RNF216: variants seen among roughly 807,000 people sequenced by gnomAD.
RNF216 encodes ring finger protein 216.
In RNF216, 72 loss-of-function variants were observed where a neutral mutation model predicts 110.8. The observed-to-expected ratio is 0.65, with a 90% CI of 0.54 to 0.79. RNF216 has a LOEUF of 0.79. RNF216 is among the 30% of genes least tolerant of loss of function. The pLI, the probability that RNF216 is intolerant of heterozygous loss-of-function variation, is 0.00. For synonymous variants in RNF216, 495 were observed against 407.5 expected, an observed-to-expected ratio of 1.21 and a Z score of -2.59; for missense variants, 1,342 against 1,141.2, an observed-to-expected ratio of 1.18 and a Z score of -2.54.
intron 1 of RNF216, among the ~76,000 whole-genome samples, chr7:5,762,988 C>T (rs1796012474): frequency 6.6e-6 from 1 of 152,170 alleles, no homozygotes; most frequent in African/African-American, 2.4e-5. Flanking sequence ...CATTACATCT[C>T]CATGGACCAG....
chr7:5,634,929 C>T (rs779384547), intron 15 of RNF216, among the ~76,000 whole-genome samples: 2 of 152,192 alleles, frequency 1.3e-5, no homozygotes, highest in Non-Finnish European at 2.9e-5. Context: ...CAGCTTCATT[C>T]ATCCATGGGG....
chr7:5,646,522 T>C (rs1406196853), intron 14 of RNF216, among the ~76,000 whole-genome samples: 3 of 151,804 alleles, frequency 2.0e-5, no homozygotes, highest in African/African-American at 4.8e-5. Flanking sequence ...TGAAACCCCA[T>C]CTATGCTAAA....
chr7:5,712,510 A>G lies in RNF216; in HGVS notation c.1982+205T>C, dbSNP rs1392659226. Among the ~76,000 whole-genome samples the G allele has an allele frequency of 5.3e-5, 8 of 152,124 alleles. No homozygotes were observed. The South Asian group carries it at 1.7e-3, about 31-fold the overall frequency. ...AGAAGTTTGAGGGGCAGATTTTTCC[A>G]TTAATAGAATTACTGGTTACTCAAT... On this transcript the variant is annotated intron_variant, in intron 12 of 16. Coordinates refer to ENST00000389902, the MANE Select transcript of RNF216 (RefSeq NM_207111.4).
intron 3 of RNF216, among the ~76,000 whole-genome samples, chr7:5,743,347 A>G (rs1008105994): frequency 1.3e-5 from 2 of 152,186 alleles, no homozygotes; most frequent in African/African-American, 4.8e-5. Context: ...TATAAACTCT[A>G]TCGAAAAAGG....
intron 5 of RNF216, among the ~76,000 whole-genome samples, chr7:5,736,010 T>A (rs966666635): frequency 2.6e-5 from 4 of 152,214 alleles, no homozygotes; most frequent in African/African-American, 9.6e-5. Context: ...GGAGAATCAC[T>A]TGAACCTGGG....
intron 14 of RNF216, among the ~76,000 whole-genome samples, chr7:5,648,584 C>T (rs1788188881): frequency 6.6e-6 from 1 of 151,674 alleles, no homozygotes; most frequent in African/African-American, 2.4e-5. Flanking sequence ...AAAAATTAGC[C>T]AGGCATGGTG....
chr7:5,753,073 A>G, intron 2 of RNF216, 94 bp from the exon 3 acceptor site: 4 of 1,283,582 alleles, frequency 3.1e-6, no homozygotes, highest in Non-Finnish European at 4.2e-6. Context: ...CCTAAAGCCA[A>G]CTTCATGGCT....
At chr7:5,707,119 T>G (rs1286554438) in intron 13 of RNF216, among the ~76,000 whole-genome samples, 1 of 152,222 alleles carries the variant, frequency 6.6e-6, no homozygotes, top group Non-Finnish European at 1.5e-5. Flanking sequence ...CACTGTATTA[T>G]GTTCCATTGG....
chr7:5,693,519 T>G (rs78983013), intron 13 of RNF216, among the ~76,000 whole-genome samples: 5 of 152,096 alleles, frequency 3.3e-5, no homozygotes, highest in South Asian at 2.1e-4. Flanking sequence ...TCCAAGACAT[T>G]TGAGGAAGGA....
rs373266864 is a variant in RNF216, at chr7:5,656,889, G to C, written c.2062-4379C>G. Among the ~76,000 whole-genome samples, 8 of 152,170 alleles carry C rather than the reference G, an allele frequency of 5.3e-5. No individual in the cohort carries two copies. The East Asian group carries it at 1.5e-3, about 29-fold the overall frequency. ...CAAGAACCAGTAGACAAATGTATCC[G>C]GCCACCACCTCCTCCAAGCCCAGCA... On this transcript the variant is annotated intron_variant, in intron 13 of 16. Coordinates refer to ENST00000389902, the MANE Select transcript of RNF216 (RefSeq NM_207111.4).
In RNF216 at chr7:5,641,201, C is replaced by T. The variant is rs1787712259; in HGVS notation, c.2335G>A (p.Ala779Thr). 4 of 1,614,082 alleles carry T rather than the reference C, an allele frequency of 2.5e-6. No individual in the cohort carries two copies. The highest frequency in any genetic ancestry group is 1.7e-5 in the Admixed American group (1 of 60,006). The stretch of plus-strand genomic sequence containing the variant: ...CATCTTGAACACTCCTGGCAAGGGG[C>T]TCCTGGTGAGCGGGGATGTTGGCAG... The part of the protein sequence containing the change: ...HFCQHPRSPG[A>T]PCQECSRCSL... The change falls in exon 15 of 17, where the codon GCC becomes ACC. Residue 779 changes from alanine (A) to threonine (T), a missense_variant. Coordinates refer to ENST00000389902, the MANE Select transcript of RNF216 (RefSeq NM_207111.4).
At chr7:5,652,533 A>C in intron 13 of RNF216, 23 bp from the exon 14 acceptor site, 2 of 1,516,186 alleles carry the variant, frequency 1.3e-6, no homozygotes, top group Non-Finnish European at 1.8e-6. Flanking sequence ...GACAGACACA[A>C]AGACAACTCC....
intron 1 of RNF216, among the ~76,000 whole-genome samples, chr7:5,763,268 G>A (rs1295306277): frequency 6.6e-6 from 1 of 152,094 alleles, no homozygotes; most frequent in Non-Finnish European, 1.5e-5. Flanking sequence ...CTGGGTATAT[G>A]CATTTGTCAA....
chr7:5,623,976 C>T, intron 16 of RNF216, 80 bp downstream of exon 16: 9 of 1,266,324 alleles, frequency 7.1e-6, no homozygotes, highest in Non-Finnish European at 1.0e-5. Flanking sequence ...GGTTGAGTGC[C>T]AGGACACTCA....
At chr7:5,684,094 CTTTTTTTTTTTTT>C (rs10608511) in intron 13 of RNF216, among the ~76,000 whole-genome samples, 2 of 61,844 alleles carry the variant, frequency 3.2e-5, no homozygotes, top group African/African-American at 1.5e-4. Context: ...GCTGGGCCTT[CTTTTTTTTTTTTT>C]TTTTTTTTTT....
intron 1 of RNF216, among the ~76,000 whole-genome samples, chr7:5,765,273 C>A (rs535389595): frequency 1.3e-5 from 2 of 151,970 alleles, no homozygotes; most frequent in South Asian, 4.2e-4. Flanking sequence ...CCAGCCTGGG[C>A]AACACAGTGA....
chr7:5,684,506 C>G (rs1276162874), intron 13 of RNF216, among the ~76,000 whole-genome samples: 1 of 152,182 alleles, frequency 6.6e-6, no homozygotes, highest in African/African-American at 2.4e-5. Context: ...CCAGGAAGCA[C>G]CAGCTGCTGG....
intron 13 of RNF216, among the ~76,000 whole-genome samples, chr7:5,710,739 T>C (rs1416877187): frequency 6.6e-6 from 1 of 152,086 alleles, no homozygotes; most frequent in Non-Finnish European, 1.5e-5. Context: ...TCCACTCCAC[T>C]CCCACCCTTT....
chr7:5,651,030 C>A (rs1788353443), intron 14 of RNF216, among the ~76,000 whole-genome samples: 1 of 152,146 alleles, frequency 6.6e-6, no homozygotes. Flanking sequence ...CAATCTAGAC[C>A]AATGCGATAC....
Sources: allele counts gnomAD v4.1 joint callset (sites outside exome capture counted in the v4.1 genomes callset), GRCh38; gene constraint gnomAD v4.1.1; transcripts MANE v1.5; gene names NCBI Gene and HGNC (gene_info 2026-07-23, HGNC 2026-07-21).